The following ZEB1 variants were observed in gnomAD, a reference collection of about 807,000 sequenced individuals.
The protein encoded by ZEB1 is zinc finger E-box binding homeobox 1, also known as zinc finger E-box-binding homeobox 1.
Under a neutral mutation model 84.9 loss-of-function variants are expected in ZEB1, and 21 were observed. The ratio of observed to expected loss-of-function variants is 0.25; its 90% CI spans 0.18 to 0.36. ZEB1 has a LOEUF of 0.36. Among genes scored for constraint, ZEB1 ranks in the 10% least tolerant of loss-of-function variants. The probability of loss-of-function intolerance (pLI) is 1.00; values close to 1 mark genes in which losing one functional copy is unlikely to be tolerated. For synonymous variants in ZEB1, 420 were observed against 471.1 expected (o/e 0.89, Z 1.41); for missense variants, 1,104 against 1,330.2 (o/e 0.83, Z 2.65).
chr10:31,455,573 AC>A (rs1738760202), intron 1 of ZEB1, among the ~76,000 whole-genome samples: 1 of 139,328 alleles, frequency 7.2e-6, no homozygotes, highest in African/African-American at 3.4e-5. Flanking sequence ...CAAGAAAAAA[AC>A]AACCCCATCA....
intron 2 of ZEB1, among the ~76,000 whole-genome samples, chr10:31,466,633 A>G (rs748782352): frequency 6.6e-6 from 1 of 152,220 alleles, no homozygotes; most frequent in Non-Finnish European, 1.5e-5. Flanking sequence ...ATTTTATAGC[A>G]ATAAATGCCT....
intron 3 of ZEB1, among the ~76,000 whole-genome samples, chr10:31,497,708 G>C (rs1433211278): frequency 2.0e-5 from 3 of 152,096 alleles, no homozygotes; most frequent in Non-Finnish European, 4.4e-5. Flanking sequence ...TCAGAATGTT[G>C]TCAGATCTTT....
chr10:31,401,473 G>A (rs2051985198), intron 1 of ZEB1, among the ~76,000 whole-genome samples: 1 of 152,088 alleles, frequency 6.6e-6, no homozygotes, highest in South Asian at 2.1e-4. Flanking sequence ...GAAGCACGGT[G>A]AACTGAAGTG....
chr10:31,501,812 A>T (rs1259999722), intron 3 of ZEB1, among the ~76,000 whole-genome samples: 1 of 152,208 alleles, frequency 6.6e-6, no homozygotes, highest in Non-Finnish European at 1.5e-5. Flanking sequence ...TAATAAATTT[A>T]TGTGAATGTG....
chr10:31,420,890 C>G (rs868237319), intron 1 of ZEB1, among the ~76,000 whole-genome samples: 16 of 152,134 alleles, frequency 1.1e-4, no homozygotes, highest in Admixed American at 6.5e-4. Flanking sequence ...TTCCTTCATT[C>G]CGTAGATATC....
intron 1 of ZEB1, among the ~76,000 whole-genome samples, chr10:31,422,641 A>G (rs2056361785): frequency 6.6e-6 from 1 of 152,124 alleles, no homozygotes; most frequent in African/African-American, 2.4e-5. Flanking sequence ...CTTTTCAAAA[A>G]ATCTATATTT....
intron 1 of ZEB1, among the ~76,000 whole-genome samples, chr10:31,413,896 C>G (rs2135867942): frequency 6.6e-6 from 1 of 152,014 alleles, no homozygotes; most frequent in East Asian, 1.9e-4. Flanking sequence ...TCTAACTGAC[C>G]CTAAACAGCT....
chr10:31,498,580 T>G (rs994615417), intron 3 of ZEB1, among the ~76,000 whole-genome samples: 2 of 152,066 alleles, frequency 1.3e-5, no homozygotes, highest in Non-Finnish European at 2.9e-5. Flanking sequence ...GGTACTGTTA[T>G]ATAAATTTTA....
At chr10:31,355,434 T>C (rs2041960826) in intron 1 of ZEB1, among the ~76,000 whole-genome samples, 1 of 152,166 alleles carries the variant, frequency 6.6e-6, no homozygotes. Flanking sequence ...AAGACAGATA[T>C]CTTTCCATGT....
chr10:31,332,828 G>A (rs1262576327), intron 1 of ZEB1, among the ~76,000 whole-genome samples: 1 of 152,012 alleles, frequency 6.6e-6, no homozygotes, highest in African/African-American at 2.4e-5. Flanking sequence ...CATTTCACAT[G>A]TGATCTACTT....
At chr10:31,492,295 A>G (rs574201182) in intron 2 of ZEB1, among the ~76,000 whole-genome samples, 12 of 152,032 alleles carry the variant, frequency 7.9e-5, no homozygotes, top group African/African-American at 2.9e-4. Flanking sequence ...CTCATTTTCA[A>G]TATAGTGTTC....
At chr10:31,402,768 T>A (rs1006615465) in intron 1 of ZEB1, among the ~76,000 whole-genome samples, 2 of 152,004 alleles carry the variant, frequency 1.3e-5, no homozygotes, top group African/African-American at 2.4e-5. Flanking sequence ...GAGATTAAAC[T>A]TTCCTGACTC....
Position 31,521,778 on chromosome 10 carries a change from G to A in ZEB1, c.2446G>A (p.Val816Met), listed in dbSNP as rs547762784. ...PTVTAQLPTIVAIADQNSVPC... is the reference protein window; with the variant it reads ...PTVTAQLPTIMAIADQNSVPC... ...AGTCACTGCCCAGTTACCCACAATC[G>A]TGGCCATTGCTGACCAGAACAGTGT... Residue 816 changes from valine to methionine, a missense_variant, in exon 7 of 9, where the codon GTG (valine) becomes ATG (methionine). Val to Met is a conservative substitution (Grantham distance 21). This residue lies in a region of ZEB1 where 531 missense variants were observed against 575.2 expected (regional missense o/e 0.92). Transcript: ENST00000424869. 5 of 1,613,896 alleles carry A rather than the reference G, an allele frequency of 3.1e-6. No individual in the cohort carries two copies. Among genetic ancestry groups the A allele is most frequent in the African/African-American group, 1.3e-5 (1 of 74,986 alleles).
chr10:31,479,608 A>G (rs2064771154), intron 2 of ZEB1, among the ~76,000 whole-genome samples: 1 of 151,916 alleles, frequency 6.6e-6, no homozygotes, highest in African/African-American at 2.4e-5. Flanking sequence ...CAGATAAAAA[A>G]TGTGACATAA....
chr10:31,461,376 T>G, intron 2 of ZEB1, 139 bp downstream of exon 2: 1 of 840,326 alleles, frequency 1.2e-6, no homozygotes, highest in Non-Finnish European at 1.9e-6. Flanking sequence ...GTGTCCTACT[T>G]ACTAAAAAGT....
chr10:31,415,850 T>C (rs1304241665), intron 1 of ZEB1, among the ~76,000 whole-genome samples: 3 of 152,092 alleles, frequency 2.0e-5, no homozygotes, highest in African/African-American at 4.8e-5. Flanking sequence ...TCTCTTTCAT[T>C]GTAATACAAT....
At chr10:31,465,906 T>C (rs1327689816) in intron 2 of ZEB1, among the ~76,000 whole-genome samples, 1 of 152,082 alleles carries the variant, frequency 6.6e-6, no homozygotes, top group Non-Finnish European at 1.5e-5. Flanking sequence ...CCTTTAAAGA[T>C]ACAGATAAGA....
At chr10:31,375,160 A>G (rs1453084532) in intron 1 of ZEB1, among the ~76,000 whole-genome samples, 2 of 151,084 alleles carry the variant, frequency 1.3e-5, no homozygotes, top group African/African-American at 4.9e-5. Flanking sequence ...CTGAATGTTT[A>G]TGCTTCATCT....
At chr10:31,379,162 A>G (rs778008693) in intron 1 of ZEB1, among the ~76,000 whole-genome samples, 1 of 152,038 alleles carries the variant, frequency 6.6e-6, no homozygotes, top group Non-Finnish European at 1.5e-5. Context: ...ACTCATTTGA[A>G]TCATGAGATA....
Sources: allele counts gnomAD v4.1 joint callset (sites outside exome capture counted in the v4.1 genomes callset), GRCh38; gene constraint gnomAD v4.1.1; regional missense constraint gnomAD v4.1.1; transcripts MANE v1.5; gene names NCBI Gene and HGNC (gene_info 2026-07-23, HGNC 2026-07-21).